DYSF: variants seen among roughly 807,000 people sequenced by gnomAD.
DYSF encodes the protein dysferlin, also known as dystrophy-associated fer-1-like 1.
In DYSF, 212 loss-of-function variants were observed where a neutral mutation model predicts 274.9. The observed-to-expected ratio is 0.77, with a 90% confidence interval of 0.69 to 0.86. The LOEUF (loss-of-function observed/expected upper bound fraction) is 0.86, where lower values mean the gene tolerates loss of function less well. Ranked by LOEUF, DYSF falls within the 40% of genes least tolerant of loss-of-function variation. The probability of loss-of-function intolerance (pLI) is 0.00; values close to 1 mark genes in which losing one functional copy is unlikely to be tolerated. For synonymous variants in DYSF, 1,091 were observed against 1,078.7 expected, an observed-to-expected ratio of 1.01 and a Z score of -0.22; for missense variants, 2,666 against 2,783.2, an observed-to-expected ratio of 0.96 and a Z score of 0.95.
chr2:71,574,863 G>T (rs1047638521), intron 30 of DYSF, among the ~76,000 whole-genome samples: 1 of 152,168 alleles, frequency 6.6e-6, no homozygotes, highest in African/African-American at 2.4e-5. Context: ...CCCAGGGTGC[G>T]CTTTCTGTAG....
intron 41 of DYSF, among the ~76,000 whole-genome samples, chr2:71,639,702 C>A (rs993148450): frequency 2.0e-5 from 3 of 152,166 alleles, no homozygotes; most frequent in Admixed American, 1.3e-4. Flanking sequence ...GAAGTAAAAT[C>A]TTTATGCATA....
chr2:71,660,469 C>A (rs2094858493), intron 44 of DYSF, 91 bp from the exon 45 acceptor site: 1 of 1,110,118 alleles, frequency 9.0e-7, no homozygotes, highest in Middle Eastern at 2.1e-4. Context: ...GATGGCTGCT[C>A]CCTCATCCCA....
intron 42 of DYSF, among the ~76,000 whole-genome samples, chr2:71,654,034 A>T (rs2094720675): frequency 6.6e-6 from 1 of 152,238 alleles, no homozygotes. Flanking sequence ...TATCCTTTAT[A>T]TACCAAGAAG....
chr2:71,571,459 G>C (rs1270029937), intron 29 of DYSF, among the ~76,000 whole-genome samples: 1 of 84,202 alleles, frequency 1.2e-5, no homozygotes, highest in Non-Finnish European at 2.5e-5. Flanking sequence ...CACACACACA[G>C]ATCACACCCA....
At chr2:71,631,559 C>T (rs773487872) in intron 41 of DYSF, among the ~76,000 whole-genome samples, 3 of 152,134 alleles carry the variant, frequency 2.0e-5, no homozygotes, top group Non-Finnish European at 2.9e-5. Context: ...TTCTTTCTCT[C>T]ATTTTCTCAG....
intron 51 of DYSF, 70 bp from the exon 52 acceptor site, chr2:71,674,127 G>C: frequency 3.5e-6 from 5 of 1,435,358 alleles, no homozygotes; most frequent in East Asian, 2.3e-5. Context: ...AGCCTTCCAG[G>C]CTGGAAGGGA....
chr2:71,594,448 G>A (rs1365597957), intron 32 of DYSF, among the ~76,000 whole-genome samples: 5 of 152,176 alleles, frequency 3.3e-5, no homozygotes, highest in Admixed American at 6.5e-5. Context: ...GCTCTGAGGC[G>A]GCTGCAGGGA....
At position 71,679,078 on chromosome 2, in the gene DYSF, A is replaced by C. The variant is rs775578484; in HGVS notation, c.5906A>C (p.Asn1969Thr). 1.9e-6 allele frequency: 3 copies of C among 1,613,906 alleles called. No homozygotes were observed. The African/African-American group carries it at 4.0e-5, about 22-fold the overall frequency. ...GCAGGCTCCCTGCAGCTCGATCTCAACCGCATGCCCAAGCCAGCCAAGACA... is the reference window on the plus strand; with the variant it reads ...GCAGGCTCCCTGCAGCTCGATCTCACCCGCATGCCCAAGCCAGCCAAGACA... Reference protein sequence around the residue: ...DFLGSLQLDLNRMPKPAKTAK... With the variant: ...DFLGSLQLDLTRMPKPAKTAK... Residue 1969 changes from asparagine (N) to threonine (T), a missense_variant, in exon 53 of 56, where the codon AAC (asparagine) becomes ACC (threonine). Coordinates refer to ENST00000410020, the MANE Select transcript of DYSF (RefSeq NM_001130987.2).
At chr2:71,661,826 C>T (rs2094886557) in intron 45 of DYSF, among the ~76,000 whole-genome samples, 1 of 152,196 alleles carries the variant, frequency 6.6e-6, no homozygotes, top group African/African-American at 2.4e-5. Context: ...ACCCAGTCTC[C>T]TTGGGGAAAT....
intron 41 of DYSF, 124 bp downstream of exon 41, chr2:71,620,733 G>A: frequency 9.6e-7 from 1 of 1,044,894 alleles, no homozygotes; most frequent in African/African-American, 1.6e-5. Context: ...CTGAGCCCTA[G>A]CAGGGAAGTC....
intron 52 of DYSF, among the ~76,000 whole-genome samples, chr2:71,677,342 T>G (rs932364400): frequency 6.6e-6 from 1 of 152,210 alleles, no homozygotes; most frequent in African/African-American, 2.4e-5. Context: ...TTCTTTAATT[T>G]GGCTTCAGAA....
intron 40 of DYSF, among the ~76,000 whole-genome samples, chr2:71,619,389 G>C (rs1321945372): frequency 2.0e-5 from 3 of 152,046 alleles, no homozygotes; most frequent in Non-Finnish European, 4.4e-5. Context: ...GCCCTGAGGG[G>C]CCCCTCAGTG....
chr2:71,668,866 T>G (rs2095066185), intron 49 of DYSF, 24 bp downstream of exon 49: 1 of 1,606,088 alleles, frequency 6.2e-7, no homozygotes, highest in Non-Finnish European at 8.5e-7. Flanking sequence ...CCACAGGCTC[T>G]GAGCTGGGCT....
At chr2:71,655,588 A>C (rs530898885) in intron 42 of DYSF, among the ~76,000 whole-genome samples, 40 of 152,354 alleles carry the variant, frequency 2.6e-4, no homozygotes, top group African/African-American at 9.6e-4. Flanking sequence ...CAAGTAAATG[A>C]ATTGAGCTAA....
In DYSF at chr2:71,572,667, C is replaced by T. The variant is rs2092560943; in HGVS notation, c.3229-1531C>T. 2.0e-5 allele frequency among the ~76,000 whole-genome samples: 3 copies of T among 152,198 alleles called. No homozygotes were observed. The South Asian group carries it at 6.2e-4, about 31-fold the overall frequency. ...ATCCTCACCTGGAGGCAGGGCTGGG[C>T]TTTGTATCCTCTCAGCCATCTGTCT... On this transcript the variant is annotated intron_variant, in intron 29 of 55. Coordinates refer to ENST00000410020, the MANE Select transcript of DYSF (RefSeq NM_001130987.2).
intron 13 of DYSF, 59 bp downstream of exon 13, chr2:71,526,405 T>TGGGGGGGGGGGGGGGGGGGGGGGG: frequency 5.4e-6 from 2 of 370,358 alleles, no homozygotes; most frequent in African/African-American, 7.2e-5. Context: ...GCAGGGCTGG[T>TGGGGGGGGGGGGGGGGGGGGGGGG]GGGGGTGGGC....
At chr2:71,462,045 C>T (rs148648495), upstream of DYSF, among the ~76,000 whole-genome samples, 993 of 152,326 alleles carry the variant, frequency 6.5e-3, 10 homozygotes, top group African/African-American at 0.019. Flanking sequence ...CTGGAAACCT[C>T]TGTGGCTGGT....
rs1187922334 is a variant in DYSF at position 71,613,344 on chromosome 2, C to T, written c.4398C>T (p.Ser1466=). 1 of 1,612,958 alleles carries T rather than the reference C, an allele frequency of 6.2e-7. No individual in the cohort carries two copies. Among genetic ancestry groups the T allele is most frequent in the Non-Finnish European group, 8.5e-7 (1 of 1,179,656 alleles). Residue 1466 remains serine (S), a synonymous_variant, in exon 40 of 56, where the codon AGC becomes AGT. Transcript: ENST00000410020. ...CTCCCTCCCCTGCAGACGATGTGAGCCTACTCAGTCCTGGGGAAGACGTGC... is the reference window on the plus strand; with the variant it reads ...CTCCCTCCCCTGCAGACGATGTGAGTCTACTCAGTCCTGGGGAAGACGTGC... ...PSPQGGPDDV[S]LLSPGEDVLI... is the part of the protein sequence containing the mutation.
intron 47 of DYSF, among the ~76,000 whole-genome samples, chr2:71,665,741 C>T (rs1184932733): frequency 6.6e-6 from 1 of 152,210 alleles, no homozygotes; most frequent in Non-Finnish European, 1.5e-5. Flanking sequence ...ATGGTATCTT[C>T]CAAGCTCCCC....
Sources: allele counts gnomAD v4.1 joint callset (sites outside exome capture counted in the v4.1 genomes callset), GRCh38; gene constraint gnomAD v4.1.1; transcripts MANE v1.5; gene names NCBI Gene and HGNC (gene_info 2026-07-23, HGNC 2026-07-21).